Variants in ADAMTS9 observed in about 807,000 individuals in gnomAD.
ADAMTS9 encodes the protein A disintegrin and metalloproteinase with thrombospondin motifs 9.
In ADAMTS9, 107 loss-of-function variants were observed where a neutral mutation model predicts 257.1. The observed-to-expected ratio is 0.42, with a 90% confidence interval of 0.36 to 0.49. The LOEUF (loss-of-function observed/expected upper bound fraction) is 0.49, where lower values mean the gene tolerates loss of function less well. Ranked by LOEUF, ADAMTS9 falls within the 20% of genes least tolerant of loss-of-function variation. The pLI is 0.03. For missense variants in ADAMTS9, 2,353 were observed against 2,469.1 expected, an observed-to-expected ratio of 0.95 and a Z score of 1.00; for synonymous variants, 982 against 880.9, an observed-to-expected ratio of 1.11 and a Z score of -2.03.
At chr3:64,657,246 T>A (rs949915068) in intron 4 of ADAMTS9, among the ~76,000 whole-genome samples, 1 of 152,184 alleles carries the variant, frequency 6.6e-6, no homozygotes, top group South Asian at 2.1e-4. Context: ...TTTTGAAGCC[T>A]TAGTATAAAA....
intron 3 of ADAMTS9, among the ~76,000 whole-genome samples, chr3:64,676,706 G>A (rs1407687557): frequency 6.6e-6 from 1 of 152,078 alleles, no homozygotes; most frequent in East Asian, 1.9e-4. Flanking sequence ...GCTGTTTCCA[G>A]GCTTTTGCTA....
rs755236884 is a variant in ADAMTS9, at chr3:64,637,782, C to T, written c.1857-3903G>A. Among the ~76,000 whole-genome samples the T allele has an allele frequency of 1.2e-3, 176 of 152,306 alleles. 2 individuals carry two copies. Among genetic ancestry groups the T allele is most frequent in the Middle Eastern group, 0.01 (3 of 294 alleles). On this transcript the variant is annotated intron_variant, in intron 12 of 39. Coordinates refer to ENST00000498707, the MANE Select transcript of ADAMTS9 (RefSeq NM_182920.2). ...GCCAATTATGAAGAATGCTGAAAGG[C>T]TATTCAAAGATTAGATGGGATGGGG...
chr3:64,641,471 G>A (rs796242778), intron 12 of ADAMTS9, among the ~76,000 whole-genome samples: 4 of 58,720 alleles, frequency 6.8e-5, no homozygotes, highest in African/African-American at 3.0e-4. Flanking sequence ...CCCTCCCCCC[G>A]CCCCCCACCC....
chr3:64,553,239 A>G (rs2083292147), intron 30 of ADAMTS9, among the ~76,000 whole-genome samples: 1 of 152,052 alleles, frequency 6.6e-6, no homozygotes, highest in Non-Finnish European at 1.5e-5. Flanking sequence ...CCTAGCAAAC[A>G]CCAGTCTGCT....
chr3:64,605,768 G>T (rs1309723988), intron 23 of ADAMTS9, among the ~76,000 whole-genome samples: 3 of 152,054 alleles, frequency 2.0e-5, no homozygotes, highest in Non-Finnish European at 4.4e-5. Context: ...TAGATATTTT[G>T]TGTACACAAA....
At chr3:64,674,247 C>G (rs1701569173) in intron 3 of ADAMTS9, among the ~76,000 whole-genome samples, 1 of 151,582 alleles carries the variant, frequency 6.6e-6, no homozygotes, top group African/African-American at 2.4e-5. Context: ...GTTTATTAGA[C>G]AGAAAGTCAT....
chr3:64,643,342 CATAAAAAACTA>C (rs1408053129), intron 11 of ADAMTS9, among the ~76,000 whole-genome samples: 5 of 150,776 alleles, frequency 3.3e-5, no homozygotes, highest in African/African-American at 1.2e-4. Flanking sequence ...TCTAAAGTCA[CATAAAAAACTA>C]ATAAAAAACT....
rs1700424514 is a variant in ADAMTS9 at position 64,633,571 on chromosome 3, C to T, written c.2076G>A (p.Val692=). The change falls in exon 14 of 40, where the codon GTG becomes GTA. Residue 692 remains valine (V), a synonymous_variant. Coordinates refer to ENST00000498707, the MANE Select transcript of ADAMTS9 (RefSeq NM_182920.2). ...MKDRCKLFCR[V]AGNTAYYQLR... is the part of the protein sequence containing the mutation. ...GCTGATAGTAGGCTGTGTTCCCTGC[C>T]ACTCTGCAGAACAACTTGCACCGGT... is the stretch of plus-strand genomic sequence containing the variant. 3.7e-6 allele frequency: 6 copies of T among 1,614,102 alleles called. No individual in the cohort carries two copies. The highest frequency in any genetic ancestry group is 5.1e-6 in the Non-Finnish European group (6 of 1,180,014).
rs1480618023 is a variant in ADAMTS9 at position 64,633,536 on chromosome 3, C to G, written c.2111G>C (p.Arg704Thr). 5.6e-6 allele frequency: 9 copies of G among 1,614,112 alleles called. No individual in the cohort carries two copies. Among genetic ancestry groups the G allele is most frequent in the Non-Finnish European group, 7.6e-6 (9 of 1,180,000 alleles). Reference protein sequence around the residue: ...GNTAYYQLRDRVIDGTPCGQD... With the variant: ...GNTAYYQLRDTVIDGTPCGQD... ...GCCACAAGGAGTTCCATCTATCACT[C>G]TGTCTCGAAGCTGATAGTAGGCTGT... The change falls in exon 14 of 40, where the codon AGA becomes ACA. Residue 704 changes from arginine (R) to threonine (T), a missense_variant. By Grantham distance (71) the Arg-to-Thr change is moderately conservative. Around this residue, in one of 3 missense-constraint regions of ADAMTS9, gnomAD observed 360 missense variants for 458.1 expected, o/e 0.79. Coordinates refer to ENST00000498707, the MANE Select transcript of ADAMTS9 (RefSeq NM_182920.2).
intron 25 of ADAMTS9, 138 bp from the exon 26 acceptor site, chr3:64,602,351 C>G (rs1344818883): frequency 1.3e-5 from 12 of 903,592 alleles, no homozygotes; most frequent in Admixed American, 2.7e-5. Context: ...CCCTTGTCTC[C>G]TCTTTTTTTC....
intron 4 of ADAMTS9, chr3:64,656,077 G>A (rs936286345): frequency 6.4e-6 from 3 of 467,218 alleles, no homozygotes; most frequent in African/African-American, 6.0e-5. Context: ...AGATAACAGT[G>A]AATTCAAACA....
chr3:64,539,325 G>A (rs1559753038), intron 36 of ADAMTS9, 31 bp from the exon 37 acceptor site: 2 of 1,584,488 alleles, frequency 1.3e-6, no homozygotes, highest in Admixed American at 1.7e-5. Context: ...TAAAGGCAGG[G>A]GAAGGTAAGA....
At chr3:64,554,574 C>A (rs2083307776) in intron 30 of ADAMTS9, among the ~76,000 whole-genome samples, 1 of 152,158 alleles carries the variant, frequency 6.6e-6, no homozygotes, top group South Asian at 2.1e-4. Context: ...TTCTGAAAAA[C>A]AGTTGGAAAG....
rs1701961797 is a variant in ADAMTS9 at position 64,687,843 on chromosome 3, C to A, written c.-186G>T. On this transcript the variant is annotated 5_prime_UTR_variant, in exon 1 of 40. Coordinates refer to ENST00000498707, the MANE Select transcript of ADAMTS9 (RefSeq NM_182920.2). This position sits in a 1 kb window ranked among gnomAD's most constrained non-coding sequence, Gnocchi z 4.4. ...CCGTCTGCGCTCGGCTGAGCAACGCCGCCGCCTGCCGAGAGCTGAGCCGCT... is the reference window on the plus strand; with the variant it reads ...CCGTCTGCGCTCGGCTGAGCAACGCAGCCGCCTGCCGAGAGCTGAGCCGCT... The A allele has an allele frequency of 2.2e-6, 1 of 455,618 alleles. No homozygotes were observed. The highest frequency in any genetic ancestry group is 4.4e-5 in the Admixed American group (1 of 22,954). The allele number at this position is 455,618 out of a possible 1,614,324, so 28.2% of individuals were successfully genotyped here. A position where few individuals can be genotyped will look rare whatever the true frequency, so the allele number is the denominator to read the frequency against.
chr3:64,627,661 C>T (rs1700258451), intron 16 of ADAMTS9, among the ~76,000 whole-genome samples: 1 of 152,048 alleles, frequency 6.6e-6, no homozygotes, highest in Non-Finnish European at 1.5e-5. Context: ...GCCTAATGCC[C>T]AACCTCCCAC....
intron 32 of ADAMTS9, among the ~76,000 whole-genome samples, chr3:64,543,335 T>C (rs2083153057): frequency 1.3e-5 from 2 of 152,302 alleles, no homozygotes; most frequent in Non-Finnish European, 2.9e-5. Flanking sequence ...TTTAGACCAA[T>C]ATCCCTGATG....
intron 28 of ADAMTS9, among the ~76,000 whole-genome samples, chr3:64,571,764 G>A (rs1214097080): frequency 1.3e-5 from 2 of 152,168 alleles, no homozygotes; most frequent in African/African-American, 4.8e-5. Flanking sequence ...AAAAGCAGCT[G>A]CTCGTGGAAA....
chr3:64,613,358 C>T lies in ADAMTS9; in HGVS notation c.3341G>A (p.Gly1114Asp), dbSNP rs187499108. ...QQPECASWQA[G>D]PWGQCSVTCG... ...CGTTCAAAATACCTGTCCCCAGGGA[C>T]CCGCCTGCCAGGATGCACATTCCGG... The change falls in exon 22 of 40, where the codon GGT becomes GAT. Residue 1114 changes from glycine to aspartate, a missense_variant. Gly to Asp is a moderately conservative substitution (Grantham distance 94). Transcript: ENST00000498707. 1.2e-6 allele frequency: 2 copies of T among 1,613,628 alleles called. No individual in the cohort carries two copies. Among genetic ancestry groups the T allele is most frequent in the Admixed American group, 3.3e-5 (2 of 59,970 alleles).
rs529051614 is a variant in ADAMTS9, at chr3:64,530,176, T to C, written c.5718+2990A>G. 3.6e-4 allele frequency among the ~76,000 whole-genome samples: 55 copies of C among 152,130 alleles called. 1 individual carries two copies. The highest frequency in any genetic ancestry group is 1.3e-3 in the African/African-American group (55 of 41,494). On this transcript the variant is annotated intron_variant, in intron 38 of 39. Transcript: ENST00000498707. ...AGGTGATGGTGAAGCACTCCTGAGTTTGAGAACCACTGCTTTAGTGGAATG... is the reference window on the plus strand; with the variant it reads ...AGGTGATGGTGAAGCACTCCTGAGTCTGAGAACCACTGCTTTAGTGGAATG...
Sources: gnomAD v4.1 joint callset for allele counts (sites outside exome capture counted in the v4.1 genomes callset) on GRCh38, gnomAD v4.1.1 for gene constraint, gnomAD v4.1.1 regional missense constraint, Gnocchi (gnomAD v3.1) non-coding constraint, MANE v1.5 for transcripts, NCBI Gene and HGNC (gene_info 2026-07-23, HGNC 2026-07-21) for gene names.